The following PARN variants were observed in gnomAD, a reference collection of about 807,000 sequenced individuals.
PARN encodes the protein poly(A)-specific ribonuclease.
A neutral mutation model predicts 102.8 loss-of-function variants in PARN; 71 were observed. The observed-to-expected ratio is 0.69, with a 90% CI of 0.57 to 0.84. PARN has a LOEUF of 0.84. Among genes scored for constraint, PARN ranks in the 40% least tolerant of loss-of-function variants. PARN has a pLI of 0.00. For missense variants in PARN, 782 were observed against 760.9 expected (o/e 1.03, Z -0.33); for synonymous variants, 261 against 252.9 (o/e 1.03, Z -0.30).
At chr16:14,572,067 G>C (rs778109223) in intron 18 of PARN, among the ~76,000 whole-genome samples, 17 of 152,204 alleles carry the variant, frequency 1.1e-4, no homozygotes, top group Non-Finnish European at 2.2e-4. Context: ...AAGTCCCATG[G>C]AGGAGGGAGG....
chr16:14,571,339 C>T (rs1162547046), intron 18 of PARN, among the ~76,000 whole-genome samples: 1 of 141,306 alleles, frequency 7.1e-6, no homozygotes, highest in South Asian at 2.3e-4. Flanking sequence ...CCTGGGCTAA[C>T]AGAGCAAGAT....
At chr16:14,515,921 AC>A (rs1965434852) in intron 21 of PARN, among the ~76,000 whole-genome samples, 3 of 152,192 alleles carry the variant, frequency 2.0e-5, no homozygotes, top group Admixed American at 2.0e-4. Flanking sequence ...GCCTAGGTTA[AC>A]AGATAGATAC....
intron 19 of PARN, among the ~76,000 whole-genome samples, chr16:14,555,047 T>C (rs1427002207): frequency 1.3e-5 from 2 of 152,158 alleles, no homozygotes; most frequent in Admixed American, 1.3e-4. Context: ...AAAATATCAG[T>C]CTAATGTGGA....
chr16:14,527,630 C>G (rs1409794263), intron 21 of PARN, among the ~76,000 whole-genome samples: 1 of 152,166 alleles, frequency 6.6e-6, no homozygotes, highest in Non-Finnish European at 1.5e-5. Flanking sequence ...TTAAAGACAT[C>G]TTAGTTAATA....
At chr16:14,559,012 G>A (rs1311151878) in intron 18 of PARN, among the ~76,000 whole-genome samples, 3 of 152,008 alleles carry the variant, frequency 2.0e-5, no homozygotes, top group Non-Finnish European at 4.4e-5. Context: ...ACCTGGCTGG[G>A]AGGGAGAAAA....
intron 9 of PARN, among the ~76,000 whole-genome samples, chr16:14,607,649 G>A (rs1049067200): frequency 3.3e-5 from 5 of 152,136 alleles, no homozygotes; most frequent in African/African-American, 7.2e-5. Context: ...CTGCAAGGAC[G>A]ACATGACAGG....
intron 18 of PARN, among the ~76,000 whole-genome samples, chr16:14,579,688 T>C (rs970317530): frequency 5.9e-5 from 9 of 152,166 alleles, no homozygotes; most frequent in African/African-American, 2.2e-4. Context: ...ATTGGACCTA[T>C]ATTTAGCTGG....
intron 22 of PARN, among the ~76,000 whole-genome samples, chr16:14,480,400 C>A (rs957474169): frequency 1.3e-5 from 2 of 152,020 alleles, no homozygotes; most frequent in South Asian, 2.1e-4. Context: ...AGGTAAACCA[C>A]AGAATTGAAA....
chr16:14,542,064 G>T (rs1269135023), intron 21 of PARN, among the ~76,000 whole-genome samples: 4 of 152,070 alleles, frequency 2.6e-5, no homozygotes, highest in African/African-American at 9.7e-5. Flanking sequence ...GAGTGCAGTG[G>T]CGTGATATTG....
chr16:14,502,593 G>C (rs1964680823), intron 21 of PARN, among the ~76,000 whole-genome samples: 2 of 152,180 alleles, frequency 1.3e-5, no homozygotes, highest in Admixed American at 1.3e-4. Flanking sequence ...AGCAAAACCA[G>C]TCTCACACCC....
At position 14,482,781 on chromosome 16, in the gene PARN, A is replaced by G. The variant is rs752381488; in HGVS notation, c.1527T>C (p.Tyr509=). ...CCTGTTTTCTCCCCATATATTCAGCATAGGTTTGGATCCGATAGCTTTCTG... is the reference window on the plus strand; with the variant it reads ...CCTGTTTTCTCCCCATATATTCAGCGTAGGTTTGGATCCGATAGCTTTCTG... ...KYAESYRIQT[Y]AEYMGRKQEE... The change falls in exon 22 of 24, where the codon TAT becomes TAC. Residue 509 remains tyrosine (Y), a synonymous_variant. Transcript: ENST00000437198. 8.7e-6 allele frequency: 14 copies of G among 1,613,762 alleles called. No individual in the cohort carries two copies. In the East Asian group the frequency reaches 2.0e-4, roughly 23 times the overall value.
At chr16:14,503,130 C>T (rs1264641398) in intron 21 of PARN, among the ~76,000 whole-genome samples, 1 of 152,084 alleles carries the variant, frequency 6.6e-6, no homozygotes. Flanking sequence ...TTGAGAAGAA[C>T]CTCCCCCCAC....
chr16:14,605,011 C>G (rs888308015), intron 10 of PARN, among the ~76,000 whole-genome samples: 5 of 152,178 alleles, frequency 3.3e-5, no homozygotes, highest in Non-Finnish European at 7.3e-5. Context: ...ATGATCACAG[C>G]TCACTGCAGC....
At chr16:14,542,851 C>T (rs1966849943) in intron 21 of PARN, among the ~76,000 whole-genome samples, 1 of 152,078 alleles carries the variant, frequency 6.6e-6, no homozygotes, top group Admixed American at 6.6e-5. Context: ...CAAAAGATCT[C>T]CTACATGTGG....
At chr16:14,483,312 G>A (rs2151598136) in intron 21 of PARN, among the ~76,000 whole-genome samples, 1 of 152,290 alleles carries the variant, frequency 6.6e-6, no homozygotes, top group African/African-American at 2.4e-5. Flanking sequence ...ATGTCTGTGT[G>A]CAGTGTTTTA....
chr16:14,494,710 G>C (rs1964225623), intron 21 of PARN, among the ~76,000 whole-genome samples: 1 of 152,248 alleles, frequency 6.6e-6, no homozygotes, highest in Admixed American at 6.5e-5. Context: ...CTTGTGGTCA[G>C]ATCTCCTCCT....
chr16:14,451,843 T>TAAAA (rs1184998225), intron 22 of PARN, among the ~76,000 whole-genome samples: 5 of 54,610 alleles, frequency 9.2e-5, no homozygotes, highest in Non-Finnish European at 1.1e-4. Context: ...ACCCCGTCTC[T>TAAAA]AAAAAAAAAA....
chr16:14,530,995 C>A (rs1420478058), intron 21 of PARN, among the ~76,000 whole-genome samples: 1 of 152,128 alleles, frequency 6.6e-6, no homozygotes, highest in Non-Finnish European at 1.5e-5. Context: ...ATCCATCCAT[C>A]CATCCATCCA....
chr16:14,449,445 G>A (rs1961351992), intron 22 of PARN, among the ~76,000 whole-genome samples: 1 of 152,158 alleles, frequency 6.6e-6, no homozygotes, highest in African/African-American at 2.4e-5. Context: ...CCAAAATCCA[G>A]GTGTAGAAAA....
Sources: allele counts gnomAD v4.1 joint callset (sites outside exome capture counted in the v4.1 genomes callset), GRCh38; gene constraint gnomAD v4.1.1; transcripts MANE v1.5; gene names NCBI Gene and HGNC (gene_info 2026-07-23, HGNC 2026-07-21).